The following DOCK6 variants were observed in gnomAD, a reference collection of about 807,000 sequenced individuals.
The protein encoded by DOCK6 is dedicator of cytokinesis protein 6.
In DOCK6, 167 loss-of-function variants were observed where a neutral mutation model predicts 230.3. The ratio of observed to expected loss-of-function variants is 0.73; its 90% CI spans 0.64 to 0.82. The LOEUF (loss-of-function observed/expected upper bound fraction) is 0.82, where lower values mean the gene tolerates loss of function less well. DOCK6 is among the 40% of genes least tolerant of loss of function. DOCK6 has a pLI of 0.00. For missense variants in DOCK6, 2,598 were observed against 2,825.8 expected (o/e 0.92, Z 1.83); for synonymous variants, 1,148 against 1,185.0 (o/e 0.97, Z 0.64).
At position 11,243,142 on chromosome 19, in the gene DOCK6, C is replaced by T. The variant is rs984080701; in HGVS notation, c.1397G>A (p.Arg466Gln). 3.1e-6 allele frequency: 5 copies of T among 1,613,828 alleles called. No homozygotes were observed. Among genetic ancestry groups the T allele is most frequent in the South Asian group, 2.2e-5 (2 of 91,084 alleles). Residue 466 changes from arginine to glutamine, a missense_variant, in exon 13 of 48, where the codon CGA becomes CAA. By Grantham distance (43) the Arg-to-Gln change is conservative. Transcript: ENST00000294618. The surrounding 1 kb of genome is among the most constrained non-coding windows in gnomAD (Gnocchi z 6.3). ...VTNFFKQEAE[R>Q]LSDEDLFKFL... ...CTTGAAGAGGTCCTCGTCACTGAGT[C>T]GCTCAGCCTCCTACATGGGACCCAC... is the stretch of plus-strand genomic sequence containing the variant.
In DOCK6 at chr19:11,201,800, TG is replaced by T; in HGVS notation, c.5688+88del. ...TGAGGTCCGTGAACCACCTTGGGTCTGGGTCCCTGTGTCTACCCTCCCCTCC... is the reference window on the plus strand; with the variant it reads ...TGAGGTCCGTGAACCACCTTGGGTCTGGTCCCTGTGTCTACCCTCCCCTCC... On this transcript the variant is annotated intron_variant, in intron 44 of 47. Transcript: ENST00000294618. The surrounding 1 kb of genome is among the most constrained non-coding windows in gnomAD (Gnocchi z 4.3). 7.8e-7 allele frequency: 1 copy of T among 1,274,550 alleles called. No homozygotes were observed. The highest frequency in any genetic ancestry group is 1.1e-6 in the Non-Finnish European group (1 of 925,832). The allele number at this position is 1,274,550 out of a possible 1,614,324, so 79.0% of individuals were successfully genotyped here. A position where few individuals can be genotyped will look rare whatever the true frequency, so the allele number is the denominator to read the frequency against.
rs2147829718 is a variant in DOCK6, at chr19:11,236,762, CG to C, written c.2160+30del. On this transcript the variant is annotated intron_variant, in intron 19 of 47. Coordinates refer to ENST00000294618, the MANE Select transcript of DOCK6 (RefSeq NM_020812.4). The surrounding 1 kb of genome is among the most constrained non-coding windows in gnomAD (Gnocchi z 5.2). Reference sequence around the variant, plus strand: ...TAGGGCAGGCAAGAGGGGAGCAGGGCGGGACTCTTGGTTCCCGGCCCACCCC... The same window carrying C: ...TAGGGCAGGCAAGAGGGGAGCAGGGCGGACTCTTGGTTCCCGGCCCACCCC... 6.4e-7 allele frequency: 1 copy of C among 1,550,780 alleles called. No individual in the cohort carries two copies.
At chr19:11,253,945 G>A (rs2080161344) in intron 1 of DOCK6, 2 of 452,836 alleles carry the variant, frequency 4.4e-6, no homozygotes, top group Non-Finnish European at 7.7e-6. Flanking sequence ...TGCCACCAGT[G>A]GGGTCTGAAG....
intron 30 of DOCK6, chr19:11,216,258 T>G (rs749191685): frequency 3.0e-5 from 6 of 202,600 alleles, no homozygotes; most frequent in Non-Finnish European, 4.0e-5. Context: ...CAGGTAATTT[T>G]TGTATTTTTC....
intron 24 of DOCK6, among the ~76,000 whole-genome samples, chr19:11,225,976 A>G (rs1218927094): frequency 6.6e-6 from 1 of 151,772 alleles, no homozygotes; most frequent in Non-Finnish European, 1.5e-5. Context: ...CCAGGAGGTC[A>G]AGGCTGCCGT....
intron 14 of DOCK6, chr19:11,241,392 G>A (rs2079941033): frequency 8.5e-7 from 1 of 1,177,542 alleles, no homozygotes; most frequent in Non-Finnish European, 1.2e-6. Flanking sequence ...AGAGGGTCAG[G>A]GGATGGGAGG....
rs929299193 is a variant in DOCK6 at position 11,208,679 on chromosome 19, G to T, written c.5088+7C>A. 4 of 1,608,440 alleles carry T rather than the reference G, an allele frequency of 2.5e-6. No individual in the cohort carries two copies. The highest frequency in any genetic ancestry group is 2.2e-5 in the South Asian group (2 of 90,938). On this transcript the variant is annotated splice_region_variant and intron_variant, in intron 39 of 47. Transcript: ENST00000294618. ...CCCTCTCCTGCACCCAGTCCCCAAG[G>T]CCTCACCATGGTGAAGTAGCCGGCT...
chr19:11,242,897 G>T (rs1204983257), intron 13 of DOCK6, among the ~76,000 whole-genome samples, 162 bp downstream of exon 13: 2 of 152,110 alleles, frequency 1.3e-5, no homozygotes, highest in East Asian at 3.9e-4. Context: ...TCTTGTCTAT[G>T]GTCCCCATTA....
At chr19:11,213,474 G>T in intron 34 of DOCK6, 146 bp from the exon 35 acceptor site, 3 of 1,182,418 alleles carry the variant, frequency 2.5e-6, no homozygotes, top group Non-Finnish European at 3.5e-6. Context: ...TCAGACCTGG[G>T]TTTAAGCCCC....
chr19:11,235,120 T>C lies in DOCK6; in HGVS notation c.2554+478A>G, dbSNP rs191290923. On this transcript the variant is annotated intron_variant, in intron 21 of 47. Transcript: ENST00000294618. ...ACCACACCTGGCTAATTTTTGTTTT[T>C]GTTTTTGTTTTTTGAGATGGAGTTT... Among the ~76,000 whole-genome samples, 80 of 152,232 alleles carry C rather than the reference T, an allele frequency of 5.3e-4. 1 individual carries two copies. The South Asian group carries it at 9.3e-3, about 18-fold the overall frequency.
At position 11,233,385 on chromosome 19, in the gene DOCK6, G is replaced by A; in HGVS notation, c.2555-19C>T. 4 of 1,607,156 alleles carry A rather than the reference G, an allele frequency of 2.5e-6. No individual in the cohort carries two copies. The highest frequency in any genetic ancestry group is 3.4e-6 in the Non-Finnish European group (4 of 1,174,484). On this transcript the variant is annotated intron_variant, in intron 21 of 47. Coordinates refer to ENST00000294618, the MANE Select transcript of DOCK6 (RefSeq NM_020812.4). Reference sequence around the variant, plus strand: ...GGGGCCCCTGAGGATGGAGTGAATAGGGTCAACCACCCACCCACCTGATGT... The same window carrying A: ...GGGGCCCCTGAGGATGGAGTGAATAAGGTCAACCACCCACCCACCTGATGT...
At chr19:11,233,835 GA>G (rs1270041525) in intron 21 of DOCK6, among the ~76,000 whole-genome samples, 4 of 147,046 alleles carry the variant, frequency 2.7e-5, no homozygotes, top group African/African-American at 1.0e-4. Context: ...ATAAGATCCT[GA>G]CTTTTTTTTT....
exon 1 of DOCK6, chr19:11,262,519 CGGGGCGGGGCCGGCGCG>C (rs1345265680): frequency 3.4e-5 from 31 of 923,760 alleles, no homozygotes; most frequent in Non-Finnish European, 3.7e-5. Flanking sequence ...GCAGCCGGGG[CGGGGCGGGGCCGGCGCG>C]GGGGCGGGGC....
rs1339545598 is a variant in DOCK6, at chr19:11,201,528, G to A, written c.5688+361C>T. Among the ~76,000 whole-genome samples the A allele has an allele frequency of 6.6e-6, 1 of 151,668 alleles. No individual in the cohort carries two copies. The highest frequency in any genetic ancestry group is 1.5e-5 in the Non-Finnish European group (1 of 67,904). ...GAGGTTTCAGTTTAGAGATTGGAAT[G>A]CAGGGTCTCCATATCTTCTCAGCCC... is the stretch of plus-strand genomic sequence containing the variant. On this transcript the variant is annotated intron_variant, in intron 44 of 47. Transcript: ENST00000294618. The surrounding 1 kb of genome is among the most constrained non-coding windows in gnomAD (Gnocchi z 4.3).
In DOCK6 at chr19:11,202,370, T is replaced by G; in HGVS notation, c.5451+24A>C. ...TGGAGTCTCTGTGAATCTAAGATTT[T>G]GGGGAAATGGTTGGGGGACCCACCT... On this transcript the variant is annotated intron_variant, in intron 43 of 47. Transcript: ENST00000294618. This position sits in a 1 kb window ranked among gnomAD's most constrained non-coding sequence, Gnocchi z 5.3. 6.2e-7 allele frequency: 1 copy of G among 1,609,444 alleles called. No homozygotes were observed. The highest frequency in any genetic ancestry group is 8.5e-7 in the Non-Finnish European group (1 of 1,177,680).
At chr19:11,227,287 C>T (rs376269653) in intron 24 of DOCK6, 50 bp downstream of exon 24, 3 of 1,600,370 alleles carry the variant, frequency 1.9e-6, no homozygotes, top group Non-Finnish European at 8.5e-7. Flanking sequence ...CTGGCTGGCT[C>T]TATGTCCTCC....
At chr19:11,213,450 C>A in intron 34 of DOCK6, 122 bp from the exon 35 acceptor site, 1 of 1,402,972 alleles carries the variant, frequency 7.1e-7, no homozygotes, top group Non-Finnish European at 9.6e-7. Flanking sequence ...GGCCAAGTAC[C>A]ACTGGGTTCG....
Position 11,236,336 on chromosome 19 carries a change from A to C in DOCK6, c.2392+10T>G, listed in dbSNP as rs201349551. On this transcript the variant is annotated intron_variant, in intron 20 of 47. Transcript: ENST00000294618. The surrounding 1 kb of genome is among the most constrained non-coding windows in gnomAD (Gnocchi z 5.2). ...TGGGGAAACTGAGGTCTGAGGCCAC[A>C]TTCGCTTACCAATCTGGCCACTGAT... 1.3e-6 allele frequency: 2 copies of C among 1,540,454 alleles called. No homozygotes were observed. The highest frequency in any genetic ancestry group is 3.9e-5 in the Admixed American group (2 of 51,094).
intron 37 of DOCK6, 82 bp from the exon 38 acceptor site, chr19:11,209,185 C>T: frequency 6.7e-7 from 1 of 1,494,102 alleles, no homozygotes; most frequent in Non-Finnish European, 9.1e-7. Context: ...ATTCTCTTCA[C>T]TGGTTACCCC....
Sources: allele counts gnomAD v4.1 joint callset (sites outside exome capture counted in the v4.1 genomes callset), GRCh38; gene constraint gnomAD v4.1.1; non-coding constraint Gnocchi (gnomAD v3.1); transcripts MANE v1.5; gene names NCBI Gene and HGNC (gene_info 2026-07-23, HGNC 2026-07-21).